GMDS: variants seen among roughly 807,000 people sequenced by gnomAD.
GMDS encodes the protein GDP-mannose 4,6 dehydratase.
GMDS carries 20 observed loss-of-function variants against 49.9 expected under a neutral mutation model. The observed-to-expected ratio is 0.40, with a 90% confidence interval of 0.28 to 0.58. The LOEUF is 0.58. Among genes scored for constraint, GMDS ranks in the 20% least tolerant of loss-of-function variants. The pLI is 0.42. For synonymous variants in GMDS, 177 were observed against 178.6 expected, an observed-to-expected ratio of 0.99 and a Z score of 0.07; for missense variants, 362 against 481.4, an observed-to-expected ratio of 0.75 and a Z score of 2.32.
Position 1,952,065 on chromosome 6 carries a change from G to T in GMDS, c.643+7802C>A, listed in dbSNP as rs182662758. ...TCCTAGGATTATTTCTGGTCTCCGT[G>T]TTAGCATTTATTGGCTTCACGACCT... On this transcript the variant is annotated intron_variant, in intron 6 of 10. Transcript: ENST00000380815. 18 of 915,388 alleles carry T rather than the reference G, an allele frequency of 2.0e-5. No homozygotes were observed. In the African/African-American group the frequency reaches 3.2e-4, roughly 16 times the overall value. The allele number at this position is 915,388 out of a possible 1,614,324, so 56.7% of individuals were successfully genotyped here.
chr6:1,751,420 C>G (rs1767725548), intron 7 of GMDS, among the ~76,000 whole-genome samples: 1 of 152,158 alleles, frequency 6.6e-6, no homozygotes, highest in South Asian at 2.1e-4. Context: ...GCTGGTGATA[C>G]CAAAAAAAAC....
rs149775692 is a variant in GMDS at position 2,115,891 on chromosome 6, C to T, written c.236-11G>A. The T allele has an allele frequency of 2.2e-6, 3 of 1,388,852 alleles. No individual in the cohort carries two copies. The highest frequency in any genetic ancestry group is 2.8e-5 in the African/African-American group (2 of 70,642). The allele number at this position is 1,388,852 out of a possible 1,614,324, so 86.0% of individuals were successfully genotyped here. On this transcript the variant is annotated splice_polypyrimidine_tract_variant and intron_variant, in intron 3 of 10. Transcript: ENST00000380815. ...AGTGCAACTTCATGTCTTCAGGATACAAAAACATCCCATTAGATAGAGAAA... is the reference window on the plus strand; with the variant it reads ...AGTGCAACTTCATGTCTTCAGGATATAAAAACATCCCATTAGATAGAGAAA...
At chr6:1,656,712 C>T (rs57100993) in intron 9 of GMDS, among the ~76,000 whole-genome samples, 10,611 of 151,390 alleles carry the variant, frequency 0.07, 388 homozygotes, top group Middle Eastern at 0.092. Flanking sequence ...TGCAGTGAGC[C>T]GAGATCGCGC....
At chr6:1,864,626 G>A (rs1446599863) in intron 7 of GMDS, among the ~76,000 whole-genome samples, 7 of 152,168 alleles carry the variant, frequency 4.6e-5, no homozygotes, top group Admixed American at 1.3e-4. Context: ...AGATTTGCTG[G>A]TGATGAACTC....
At chr6:2,210,370 T>G (rs1032015919) in intron 1 of GMDS, among the ~76,000 whole-genome samples, 1 of 152,144 alleles carries the variant, frequency 6.6e-6, no homozygotes, top group Non-Finnish European at 1.5e-5. Flanking sequence ...GCTCAATATA[T>G]TTTACCTATT....
chr6:2,033,815 G>A (rs1226154285), intron 4 of GMDS, among the ~76,000 whole-genome samples: 3 of 152,134 alleles, frequency 2.0e-5, no homozygotes, highest in African/African-American at 7.2e-5. Context: ...ACATGTTTCA[G>A]TAGCTCTAAG....
At chr6:1,658,730 TCGG>T (rs1415335581) in intron 9 of GMDS, among the ~76,000 whole-genome samples, 1 of 152,264 alleles carries the variant, frequency 6.6e-6, no homozygotes, top group African/African-American at 2.4e-5. Context: ...ACTATTTAGC[TCGG>T]CTTTCTGCTC....
rs976000672 is a variant in GMDS at position 1,685,012 on chromosome 6, C to CT, written c.987+41403_987+41404insA. On this transcript the variant is annotated intron_variant, in intron 9 of 10. Transcript: ENST00000380815. ...ATGACACAAAACTGCTCCCTCTCTC[C>CT]CCCCCCTTTTTTTTTAACTACTTAC... Among the ~76,000 whole-genome samples the CT allele has an allele frequency of 1.4e-4, 15 of 110,904 alleles. No homozygotes were observed. The South Asian group carries it at 2.0e-3, about 15-fold the overall frequency. The allele number at this position is 110,904 out of a possible 152,430, so 72.8% of individuals were successfully genotyped here.
At chr6:1,811,351 G>C (rs531761705) in intron 7 of GMDS, among the ~76,000 whole-genome samples, 1 of 152,280 alleles carries the variant, frequency 6.6e-6, no homozygotes, top group East Asian at 1.9e-4. Context: ...GGACAAACAA[G>C]TCATGGAAGC....
intron 4 of GMDS, among the ~76,000 whole-genome samples, chr6:2,060,976 C>T (rs1452306591): frequency 3.3e-5 from 5 of 151,060 alleles, no homozygotes; most frequent in South Asian, 2.1e-4. Flanking sequence ...GCCAAGATCG[C>T]GCCACTCCAG....
chr6:1,682,929 A>T (rs1286312212), intron 9 of GMDS, among the ~76,000 whole-genome samples: 3 of 152,242 alleles, frequency 2.0e-5, no homozygotes, highest in Admixed American at 6.5e-5. Context: ...TTTTAATTCA[A>T]TTAAAGAAAG....
At chr6:1,660,897 T>C (rs1277152806) in intron 9 of GMDS, among the ~76,000 whole-genome samples, 1 of 151,300 alleles carries the variant, frequency 6.6e-6, no homozygotes, top group African/African-American at 2.4e-5. Flanking sequence ...TTCCACAGGT[T>C]TGTAAATGAA....
intron 7 of GMDS, among the ~76,000 whole-genome samples, chr6:1,832,472 G>T (rs1482768324): frequency 1.3e-5 from 2 of 152,020 alleles, no homozygotes; most frequent in African/African-American, 4.8e-5. Context: ...TGGAGTGATG[G>T]CTTTTATTTT....
At chr6:1,666,658 G>C (rs1475268877) in intron 9 of GMDS, among the ~76,000 whole-genome samples, 1 of 152,176 alleles carries the variant, frequency 6.6e-6, no homozygotes, top group Non-Finnish European at 1.5e-5. Flanking sequence ...AGAATGAAAA[G>C]GACCCTTGGG....
At chr6:2,199,672 C>G (rs1397350432) in intron 1 of GMDS, among the ~76,000 whole-genome samples, 1 of 152,190 alleles carries the variant, frequency 6.6e-6, no homozygotes, top group African/African-American at 2.4e-5. Context: ...ATGCAATGCC[C>G]CAAGCTCATT....
At chr6:1,661,680 T>G (rs76263620) in intron 9 of GMDS, among the ~76,000 whole-genome samples, 4,674 of 152,302 alleles carry the variant, frequency 0.031, 219 homozygotes, top group African/African-American at 0.11. Flanking sequence ...TGCCCGGATC[T>G]TCCTCAACCA....
At chr6:2,142,891 T>C (rs528966760) in intron 1 of GMDS, among the ~76,000 whole-genome samples, 3 of 152,282 alleles carry the variant, frequency 2.0e-5, no homozygotes, top group South Asian at 4.2e-4. Flanking sequence ...GCTCCTGAGC[T>C]TGGCATAAGC....
At chr6:1,639,537 T>C (rs536236230) in intron 9 of GMDS, among the ~76,000 whole-genome samples, 1 of 152,334 alleles carries the variant, frequency 6.6e-6, no homozygotes, top group African/African-American at 2.4e-5. Context: ...GTTTGCTGAA[T>C]GTGGACCCCC....
rs1030182759 is a variant in GMDS, at chr6:1,776,985, A to C, written c.772-34399T>G. The stretch of plus-strand genomic sequence containing the variant: ...CATCTGTAGGTGGGGATCTGGCCAG[A>C]GGTCCCAGATGATAGATGAGGTGTT... On this transcript the variant is annotated intron_variant, in intron 7 of 10. Coordinates refer to ENST00000380815, the MANE Select transcript of GMDS (RefSeq NM_001500.4). 2.0e-5 allele frequency among the ~76,000 whole-genome samples: 3 copies of C among 152,352 alleles called. No homozygotes were observed. In the East Asian group the frequency reaches 5.8e-4, roughly 29 times the overall value.
Sources: allele counts gnomAD v4.1 joint callset (sites outside exome capture counted in the v4.1 genomes callset), GRCh38; gene constraint gnomAD v4.1.1; transcripts MANE v1.5; gene names NCBI Gene and HGNC (gene_info 2026-07-23, HGNC 2026-07-21).